Variants in CCDC63 observed in about 807,000 individuals in gnomAD.
CCDC63 encodes the protein coiled-coil domain-containing protein 63.
CCDC63 carries 54 observed loss-of-function variants against 63.6 expected under a neutral mutation model. The ratio of observed to expected loss-of-function variants is 0.85; its 90% CI spans 0.68 to 1.07. The LOEUF is 1.07. Ranked by LOEUF, CCDC63 falls within the 50% of genes least tolerant of loss-of-function variation. The pLI, the probability that CCDC63 is intolerant of heterozygous loss-of-function variation, is 0.00. For missense variants in CCDC63, 637 were observed against 689.6 expected (o/e 0.92, Z 0.86); for synonymous variants, 253 against 266.1 (o/e 0.95, Z 0.48).
rs372372543 is a variant in CCDC63, at chr12:110,863,701, T to C, written c.369+4926T>C. 7.2e-5 allele frequency among the ~76,000 whole-genome samples: 11 copies of C among 152,140 alleles called. No homozygotes were observed. The South Asian group carries it at 1.2e-3, about 17-fold the overall frequency. ...GATTACAGACATGTGCCACCATGCCTGGCTAATTTTTGTATTTTTAGTAGA... is the reference window on the plus strand; with the variant it reads ...GATTACAGACATGTGCCACCATGCCCGGCTAATTTTTGTATTTTTAGTAGA... On this transcript the variant is annotated intron_variant, in intron 4 of 11. Coordinates refer to ENST00000308208, the MANE Select transcript of CCDC63 (RefSeq NM_152591.3).
At chr12:110,848,779 C>T (rs1407273033) in intron 1 of CCDC63, among the ~76,000 whole-genome samples, 2 of 152,186 alleles carry the variant, frequency 1.3e-5, no homozygotes, top group African/African-American at 4.8e-5. Flanking sequence ...ATCACACTGT[C>T]AGTGAAGGTC....
intron 7 of CCDC63, among the ~76,000 whole-genome samples, chr12:110,882,000 T>C (rs1280331628): frequency 6.6e-6 from 1 of 152,158 alleles, no homozygotes; most frequent in Non-Finnish European, 1.5e-5. Flanking sequence ...CCCAGGTTCA[T>C]CTCTAGGTTT....
chr12:110,847,302 G>A (rs2136631544), intron 1 of CCDC63, among the ~76,000 whole-genome samples, 197 bp downstream of exon 1: 1 of 152,346 alleles, frequency 6.6e-6, no homozygotes, highest in South Asian at 2.1e-4. Context: ...GGTGGCTCAT[G>A]CCTGTAATTC....
At chr12:110,898,348 C>T (rs1375426293) in intron 9 of CCDC63, among the ~76,000 whole-genome samples, 1 of 150,490 alleles carries the variant, frequency 6.6e-6, no homozygotes, top group African/African-American at 2.4e-5. Context: ...GTAGGCTGGG[C>T]GTGGTGGCTC....
At chr12:110,859,710 T>C (rs1160554111) in intron 4 of CCDC63, among the ~76,000 whole-genome samples, 3 of 151,686 alleles carry the variant, frequency 2.0e-5, no homozygotes, top group Admixed American at 6.6e-5. Context: ...AAAATAGTCA[T>C]GTACGTGATC....
At chr12:110,860,629 GC>G (rs1566118373) in intron 4 of CCDC63, among the ~76,000 whole-genome samples, 1 of 151,932 alleles carries the variant, frequency 6.6e-6, no homozygotes, top group African/African-American at 2.4e-5. Flanking sequence ...CACTCCTGTC[GC>G]CCAGGCTGGA....
At chr12:110,852,566 A>C (rs1016726117) in intron 1 of CCDC63, among the ~76,000 whole-genome samples, 25 of 152,136 alleles carry the variant, frequency 1.6e-4, no homozygotes, top group African/African-American at 6.0e-4. Context: ...CGGCCCCCTG[A>C]TGCCATTTTG....
chr12:110,880,003 A>C lies in CCDC63; in HGVS notation c.587A>C (p.Tyr196Ser), dbSNP rs111256680. ...GAGAAGGCTGCTTATGACAATGTCTACCAGCAGCTCCAGCACTGCCTGTTG... is the reference window on the plus strand; with the variant it reads ...GAGAAGGCTGCTTATGACAATGTCTCCCAGCAGCTCCAGCACTGCCTGTTG... ...RFEKAAYDNV[Y>S]QQLQHCLLME... Residue 196 changes from tyrosine to serine, a missense_variant, in exon 6 of 12, where the codon TAC becomes TCC. Tyr to Ser is a moderately radical substitution (Grantham distance 144). Transcript: ENST00000308208. 3.1e-6 allele frequency: 5 copies of C among 1,614,188 alleles called. No homozygotes were observed. Among genetic ancestry groups the C allele is most frequent in the African/African-American group, 1.3e-5 (1 of 75,060 alleles).
chr12:110,882,394 G>T (rs557558636), intron 7 of CCDC63, among the ~76,000 whole-genome samples: 1 of 152,180 alleles, frequency 6.6e-6, no homozygotes, highest in Non-Finnish European at 1.5e-5. Flanking sequence ...CATGCCTGTG[G>T]TCCCAGCTAC....
intron 8 of CCDC63, among the ~76,000 whole-genome samples, chr12:110,886,783 G>A (rs773483794): frequency 6.6e-6 from 1 of 152,144 alleles, no homozygotes; most frequent in African/African-American, 2.4e-5. Flanking sequence ...AGGTGCACCC[G>A]GGGGTGGGGA....
intron 9 of CCDC63, among the ~76,000 whole-genome samples, chr12:110,897,732 G>GTT (rs1208926440): frequency 0.035 from 4,234 of 121,234 alleles, 323 homozygotes; most frequent in African/African-American, 0.12. Context: ...GGACCACCTT[G>GTT]TTTTTTTTTT....
intron 8 of CCDC63, among the ~76,000 whole-genome samples, chr12:110,884,819 T>C (rs891252026): frequency 1.3e-5 from 2 of 151,636 alleles, no homozygotes; most frequent in Admixed American, 1.3e-4. Context: ...CTGGAGTAGC[T>C]GGGACTACAG....
chr12:110,853,549 A>C lies in CCDC63; in HGVS notation c.154A>C (p.Asn52His), dbSNP rs769122637. 3 of 1,614,192 alleles carry C rather than the reference A, an allele frequency of 1.9e-6. No individual in the cohort carries two copies. The highest frequency in any genetic ancestry group is 1.7e-6 in the Non-Finnish European group (2 of 1,180,042). The part of the protein sequence containing the change: ...VESRKSFKFR[N>H]QQKIASQYKE... ...AAGCCGGAAGTCTTTTAAGTTCCGAAACCAGCAGAAGATTGCGAGTCAGTA... is the reference window on the plus strand; with the variant it reads ...AAGCCGGAAGTCTTTTAAGTTCCGACACCAGCAGAAGATTGCGAGTCAGTA... The change falls in exon 3 of 12, where the codon AAC becomes CAC. Residue 52 changes from asparagine to histidine, a missense_variant. Asn to His is a moderately conservative substitution (Grantham distance 68). Transcript: ENST00000308208.
chr12:110,904,983 G>A (rs887380195), intron 11 of CCDC63, among the ~76,000 whole-genome samples, 192 bp downstream of exon 11: 4 of 151,886 alleles, frequency 2.6e-5, no homozygotes, highest in African/African-American at 7.3e-5. Context: ...ACTTGCTTGG[G>A]GACTTTTCTC....
At chr12:110,879,811 TG>T in intron 5 of CCDC63, 94 bp from the exon 6 acceptor site, 2 of 1,205,598 alleles carry the variant, frequency 1.7e-6, no homozygotes, top group East Asian at 2.3e-5. Context: ...GCGTATGAGG[TG>T]GGGCAAAGAC....
In CCDC63 at chr12:110,852,880, G is replaced by A. The variant is rs2070722558; in HGVS notation, c.-75G>A. 1.9e-6 allele frequency: 3 copies of A among 1,612,806 alleles called. No homozygotes were observed. The South Asian group carries it at 3.3e-5, about 18-fold the overall frequency. On this transcript the variant is annotated 5_prime_UTR_variant, in exon 2 of 12. Coordinates refer to ENST00000308208, the MANE Select transcript of CCDC63 (RefSeq NM_152591.3). Reference sequence around the variant, plus strand: ...ACAGGGCATTGCAGAGAGACAGAGAGAGAGAGGAAGGCTCACTGGCTTTGA... The same window carrying A: ...ACAGGGCATTGCAGAGAGACAGAGAAAGAGAGGAAGGCTCACTGGCTTTGA...
chr12:110,863,003 A>G (rs12811498), intron 4 of CCDC63, among the ~76,000 whole-genome samples: 44,483 of 151,884 alleles, frequency 0.29, 7,531 homozygotes, highest in African/African-American at 0.46. Context: ...TGATCCACCC[A>G]CCTTGGCCTC....
intron 5 of CCDC63, among the ~76,000 whole-genome samples, chr12:110,875,047 T>C (rs1379882576): frequency 6.6e-6 from 1 of 152,170 alleles, no homozygotes; most frequent in African/African-American, 2.4e-5. Flanking sequence ...ACAAAGCTCT[T>C]AGCTTCCCCC....
intron 8 of CCDC63, among the ~76,000 whole-genome samples, chr12:110,885,937 G>A (rs1411620228): frequency 2.0e-5 from 3 of 152,168 alleles, no homozygotes; most frequent in African/African-American, 7.2e-5. Flanking sequence ...TATTTACTTA[G>A]GGTAGTAAGT....
Sources: gnomAD v4.1 joint callset for allele counts (sites outside exome capture counted in the v4.1 genomes callset) on GRCh38, gnomAD v4.1.1 for gene constraint, MANE v1.5 for transcripts, NCBI Gene and HGNC (gene_info 2026-07-23, HGNC 2026-07-21) for gene names.